The following PTPRN2 variants were observed in gnomAD, a reference collection of about 807,000 sequenced individuals.
The protein encoded by PTPRN2 is receptor-type tyrosine-protein phosphatase N2.
A neutral mutation model predicts 118.8 loss-of-function variants in PTPRN2; 74 were observed. That is an observed-to-expected ratio of 0.62 (90% CI 0.52 to 0.76). The LOEUF is 0.76. Among genes scored for constraint, PTPRN2 ranks in the 30% least tolerant of loss-of-function variants. The probability of loss-of-function intolerance (pLI) is 0.00; values close to 1 mark genes in which losing one functional copy is unlikely to be tolerated. For missense variants in PTPRN2, 1,481 were observed against 1,394.4 expected, an observed-to-expected ratio of 1.06 and a Z score of -0.99; for synonymous variants, 641 against 608.0, an observed-to-expected ratio of 1.05 and a Z score of -0.80.
At chr7:157,594,540 C>T (rs1801175377) in intron 17 of PTPRN2, among the ~76,000 whole-genome samples, 1 of 152,234 alleles carries the variant, frequency 6.6e-6, no homozygotes, top group South Asian at 2.1e-4. Flanking sequence ...GCTCGACTCT[C>T]CTTAGGAGCT....
intron 5 of PTPRN2, among the ~76,000 whole-genome samples, chr7:158,176,031 C>T (rs1824172400): frequency 6.6e-6 from 1 of 152,008 alleles, no homozygotes; most frequent in East Asian, 1.9e-4. Context: ...TGCTCCGAGA[C>T]TCGCAATGCC....
At chr7:158,558,294 A>G (rs958742045) in intron 1 of PTPRN2, among the ~76,000 whole-genome samples, 1 of 152,214 alleles carries the variant, frequency 6.6e-6, no homozygotes, top group African/African-American at 2.4e-5. Context: ...GTCTTTTAAA[A>G]TAATTCTTAC....
chr7:158,343,616 CTG>C (rs1807246191), intron 2 of PTPRN2, among the ~76,000 whole-genome samples: 20 of 148,256 alleles, frequency 1.3e-4, no homozygotes, highest in African/African-American at 2.3e-4. Flanking sequence ...GGCACATGGG[CTG>C]TCGCGACTGC....
At chr7:158,160,974 A>T (rs950502076) in intron 6 of PTPRN2, among the ~76,000 whole-genome samples, 2 of 152,154 alleles carry the variant, frequency 1.3e-5, no homozygotes, top group African/African-American at 4.8e-5. Context: ...TTTTTTCCAG[A>T]ATTACATTTT....
intron 2 of PTPRN2, among the ~76,000 whole-genome samples, chr7:158,488,610 G>T (rs562761543): frequency 6.6e-6 from 1 of 152,220 alleles, no homozygotes; most frequent in South Asian, 2.1e-4. Flanking sequence ...ACCAGTGCAG[G>T]GGAGGCCTGT....
intron 2 of PTPRN2, among the ~76,000 whole-genome samples, chr7:158,412,649 A>T (rs1392296959): frequency 2.0e-5 from 1 of 49,594 alleles, no homozygotes; most frequent in Non-Finnish European, 3.6e-5. Flanking sequence ...ACCCTCCTCA[A>T]CACCAGGGCC....
intron 11 of PTPRN2, among the ~76,000 whole-genome samples, chr7:157,956,738 A>T (rs1801206003): frequency 1.3e-5 from 2 of 152,242 alleles, no homozygotes; most frequent in South Asian, 4.1e-4. Context: ...ATCAAGTTTC[A>T]GGGGTCATGG....
chr7:158,121,615 T>G (rs1322699883), intron 9 of PTPRN2, among the ~76,000 whole-genome samples: 1 of 152,122 alleles, frequency 6.6e-6, no homozygotes, highest in Non-Finnish European at 1.5e-5. Flanking sequence ...CCACCACGAA[T>G]CCTGGGCCCA....
At chr7:157,582,979 A>G (rs1243687687) in intron 17 of PTPRN2, among the ~76,000 whole-genome samples, 4 of 152,136 alleles carry the variant, frequency 2.6e-5, no homozygotes, top group Admixed American at 6.5e-5. Flanking sequence ...CTGGGTATAG[A>G]CCCAAAGGAA....
At chr7:157,914,174 T>C (rs1040077953) in intron 11 of PTPRN2, among the ~76,000 whole-genome samples, 1 of 152,248 alleles carries the variant, frequency 6.6e-6, no homozygotes, top group African/African-American at 2.4e-5. Flanking sequence ...AAATCACTTA[T>C]GACAAAGGAG....
chr7:158,335,504 C>T (rs373804890), intron 2 of PTPRN2, among the ~76,000 whole-genome samples: 1 of 53,256 alleles, frequency 1.9e-5, no homozygotes. Flanking sequence ...ACGTCACTCA[C>T]ACCCACACTC....
intron 12 of PTPRN2, among the ~76,000 whole-genome samples, chr7:157,758,426 A>G (rs1801935456): frequency 2.0e-5 from 3 of 151,844 alleles, no homozygotes; most frequent in Admixed American, 2.0e-4. Flanking sequence ...GCACGAGGCC[A>G]CACAGCTGGT....
chr7:158,002,801 C>T (rs966675500), intron 11 of PTPRN2, among the ~76,000 whole-genome samples: 2 of 152,214 alleles, frequency 1.3e-5, no homozygotes, highest in African/African-American at 2.4e-5. Flanking sequence ...AGCAGGTCCA[C>T]GGAGCAGGAG....
chr7:158,054,540 A>G (rs909898070), intron 11 of PTPRN2, among the ~76,000 whole-genome samples: 3 of 152,260 alleles, frequency 2.0e-5, no homozygotes, highest in African/African-American at 7.2e-5. Flanking sequence ...TATTCATGCA[A>G]CGAACACGTC....
chr7:158,474,039 C>T (rs1207645193), intron 2 of PTPRN2, among the ~76,000 whole-genome samples: 2 of 152,138 alleles, frequency 1.3e-5, no homozygotes, highest in Non-Finnish European at 1.5e-5. Flanking sequence ...CAAGATCTCG[C>T]GCTTAGGAGA....
In PTPRN2 at chr7:158,570,710, G is replaced by A. The variant is rs1052362627; in HGVS notation, c.112+16848C>T. Among the ~76,000 whole-genome samples, 12 of 152,206 alleles carry A rather than the reference G, an allele frequency of 7.9e-5. No homozygotes were observed. Among genetic ancestry groups the A allele is most frequent in the African/African-American group, 2.9e-4 (12 of 41,448 alleles). On this transcript the variant is annotated intron_variant, in intron 1 of 22. Coordinates refer to ENST00000389418, the MANE Select transcript of PTPRN2 (RefSeq NM_002847.5). The surrounding 1 kb of genome is among the most constrained non-coding windows in gnomAD (Gnocchi z 4.5). Reference sequence around the variant, plus strand: ...CACGCGGCTGGGTACGGTTTGCAACGCCGAGAGCCCGCGGAGAAGCTTGAG... The same window carrying A: ...CACGCGGCTGGGTACGGTTTGCAACACCGAGAGCCCGCGGAGAAGCTTGAG...
intron 3 of PTPRN2, among the ~76,000 whole-genome samples, chr7:158,228,514 G>A (rs760995233): frequency 2.6e-5 from 4 of 152,070 alleles, no homozygotes; most frequent in Non-Finnish European, 4.4e-5. Flanking sequence ...AAATGGTGGT[G>A]CAGTAGAAGC....
rs56870265 is a variant in PTPRN2, at chr7:158,152,173, C to CAAAAA, written c.911-13663_911-13659dup. Among the ~76,000 whole-genome samples, 508 of 83,354 alleles carry CAAAAA rather than the reference C, an allele frequency of 6.1e-3. 21 individuals are homozygous for CAAAAA. Among genetic ancestry groups the CAAAAA allele is most frequent in the Middle Eastern group, 0.012 (1 of 82 alleles). 54.7% of individuals were successfully genotyped at this position (83,354 alleles called of 152,430 possible). ...TGGGTGAAAGAGTGAGACTCTGTCTCAAAAAAAAAAAAAAAAAACCATGAA... is the reference window on the plus strand; with the variant it reads ...TGGGTGAAAGAGTGAGACTCTGTCTCAAAAAAAAAAAAAAAAAAAAAAACCATGAA... On this transcript the variant is annotated intron_variant, in intron 6 of 22. Coordinates refer to ENST00000389418, the MANE Select transcript of PTPRN2 (RefSeq NM_002847.5).
intron 12 of PTPRN2, among the ~76,000 whole-genome samples, chr7:157,872,720 G>T (rs765519739): frequency 6.6e-6 from 1 of 152,240 alleles, no homozygotes; most frequent in Non-Finnish European, 1.5e-5. Context: ...GTAGAAGGAG[G>T]GTGCAGAGTC....
Sources: gnomAD v4.1 joint callset for allele counts (sites outside exome capture counted in the v4.1 genomes callset) on GRCh38, gnomAD v4.1.1 for gene constraint, Gnocchi (gnomAD v3.1) non-coding constraint, MANE v1.5 for transcripts, NCBI Gene and HGNC (gene_info 2026-07-23, HGNC 2026-07-21) for gene names.